The following CAMTA1 variants were observed in gnomAD, a reference collection of about 807,000 sequenced individuals.
The protein encoded by CAMTA1 is calmodulin binding transcription activator 1, also known as calmodulin-binding transcription activator 1.
A neutral mutation model predicts 170.9 loss-of-function variants in CAMTA1; 27 were observed. That is an observed-to-expected ratio of 0.16 (90% CI 0.12 to 0.22). The LOEUF is 0.22. CAMTA1 is among the 10% of genes least tolerant of loss of function. The pLI, the probability that CAMTA1 is intolerant of heterozygous loss-of-function variation, is 1.00. For missense variants in CAMTA1, 1,619 were observed against 2,217.2 expected (o/e 0.73, Z 5.42); for synonymous variants, 833 against 891.5 (o/e 0.93, Z 1.17).
intron 5 of CAMTA1, among the ~76,000 whole-genome samples, chr1:7,384,521 GA>G (rs1174631577): frequency 6.6e-6 from 1 of 152,204 alleles, no homozygotes; most frequent in Non-Finnish European, 1.5e-5. Flanking sequence ...ATTTTTTGGC[GA>G]ACAAGTAGAT....
chr1:7,200,747 T>G (rs1427998094), intron 4 of CAMTA1, among the ~76,000 whole-genome samples: 4 of 152,198 alleles, frequency 2.6e-5, no homozygotes, highest in African/African-American at 9.6e-5. Context: ...AACTCATTGC[T>G]TGATTAAGGT....
chr1:7,569,681 C>T (rs1236784903), intron 6 of CAMTA1, among the ~76,000 whole-genome samples: 1 of 151,170 alleles, frequency 6.6e-6, no homozygotes, highest in African/African-American at 2.5e-5. Flanking sequence ...CCATCACTAC[C>T]ATCATTCTCC....
chr1:7,173,093 G>T lies in CAMTA1; in HGVS notation c.303-76398G>T, dbSNP rs769277605. On this transcript the variant is annotated intron_variant, in intron 4 of 22. Coordinates refer to ENST00000303635, the MANE Select transcript of CAMTA1 (RefSeq NM_015215.4). The surrounding 1 kb of genome is among the most constrained non-coding windows in gnomAD (Gnocchi z 5.4). ...GGCTCCGAAGCAAGAGCAGCCAGAC[G>T]CTGCGTCCCTCCTGTCTCTTCAGCT... Among the ~76,000 whole-genome samples, 1 of 152,222 alleles carries T rather than the reference G, an allele frequency of 6.6e-6. No homozygotes were observed. The highest frequency in any genetic ancestry group is 1.5e-5 in the Non-Finnish European group (1 of 68,036).
intron 6 of CAMTA1, among the ~76,000 whole-genome samples, chr1:7,501,593 A>G (rs1043389895): frequency 6.7e-6 from 1 of 149,094 alleles, no homozygotes; most frequent in Non-Finnish European, 1.5e-5. Flanking sequence ...ATGCCTGGTT[A>G]CTTTTGAAAT....
At chr1:6,790,901 C>T (rs554393116) in intron 1 of CAMTA1, among the ~76,000 whole-genome samples, 1 of 152,162 alleles carries the variant, frequency 6.6e-6, no homozygotes, top group South Asian at 2.1e-4. Context: ...ATTAGATTTA[C>T]CATCTCCACA....
chr1:6,980,909 AG>A (rs1462116803), intron 3 of CAMTA1, among the ~76,000 whole-genome samples: 4 of 152,182 alleles, frequency 2.6e-5, no homozygotes, highest in Non-Finnish European at 4.4e-5. Flanking sequence ...CAAGTCACAG[AG>A]GATACGAGAT....
At chr1:7,638,432 G>A (rs2095732612) in intron 6 of CAMTA1, among the ~76,000 whole-genome samples, 1 of 152,166 alleles carries the variant, frequency 6.6e-6, no homozygotes, top group Admixed American at 6.5e-5. Context: ...CCTGAGGTCG[G>A]GAGTTCGAGA....
At position 7,634,158 on chromosome 1, in the gene CAMTA1, G is replaced by A. The variant is rs894041921; in HGVS notation, c.511-6242G>A. Among the ~76,000 whole-genome samples, 11 of 152,310 alleles carry A rather than the reference G, an allele frequency of 7.2e-5. No homozygotes were observed. Among genetic ancestry groups the A allele is most frequent in the East Asian group, 3.9e-4 (2 of 5,158 alleles). ...TGGGTTGGGGAAGGGAGGAGCAGAC[G>A]TGAGGACACCCGGGAGGAGGGCACA... On this transcript the variant is annotated intron_variant, in intron 6 of 22. Coordinates refer to ENST00000303635, the MANE Select transcript of CAMTA1 (RefSeq NM_015215.4). This position sits in a 1 kb window ranked among gnomAD's most constrained non-coding sequence, Gnocchi z 6.2.
intron 6 of CAMTA1, among the ~76,000 whole-genome samples, chr1:7,499,406 AGT>A (rs1390199333): frequency 1.1e-5 from 1 of 87,580 alleles, no homozygotes; most frequent in Non-Finnish European, 2.2e-5. Flanking sequence ...TGTGTACATG[AGT>A]GTGTAGAGAG....
chr1:6,829,956 A>G (rs1461793554), intron 3 of CAMTA1, among the ~76,000 whole-genome samples: 1 of 152,218 alleles, frequency 6.6e-6, no homozygotes, highest in Non-Finnish European at 1.5e-5. Context: ...TTTCTTAGGA[A>G]AGTAGTTTTG....
At chr1:6,967,538 C>A (rs575898740) in intron 3 of CAMTA1, among the ~76,000 whole-genome samples, 2 of 152,270 alleles carry the variant, frequency 1.3e-5, no homozygotes, top group South Asian at 4.1e-4. Flanking sequence ...GGACCTTCAG[C>A]CACTAGGTTT....
At chr1:7,445,984 G>A (rs897980051) in intron 5 of CAMTA1, among the ~76,000 whole-genome samples, 4 of 152,172 alleles carry the variant, frequency 2.6e-5, no homozygotes, top group African/African-American at 4.8e-5. Flanking sequence ...GGACACAGCT[G>A]TGGCTGCTCC....
chr1:7,297,966 C>G (rs753779375), intron 5 of CAMTA1, among the ~76,000 whole-genome samples: 34 of 152,234 alleles, frequency 2.2e-4, no homozygotes, highest in Non-Finnish European at 4.3e-4. Context: ...ACCATTCCTT[C>G]CCATTCCCTA....
At chr1:6,951,002 G>A (rs1440966858) in intron 3 of CAMTA1, among the ~76,000 whole-genome samples, 1 of 152,208 alleles carries the variant, frequency 6.6e-6, no homozygotes, top group Admixed American at 6.5e-5. Context: ...TCTGCCTGGA[G>A]TGGAAGGAGG....
intron 3 of CAMTA1, among the ~76,000 whole-genome samples, chr1:6,947,935 A>G (rs182007863): frequency 6.6e-6 from 1 of 152,004 alleles, no homozygotes; most frequent in East Asian, 1.9e-4. Context: ...ATTCTTCAGG[A>G]TTTTCTACAT....
chr1:7,129,279 C>T (rs142086550), intron 4 of CAMTA1, among the ~76,000 whole-genome samples: 2 of 152,324 alleles, frequency 1.3e-5, no homozygotes, highest in East Asian at 3.9e-4. Context: ...GCACCAACCT[C>T]ATAGAAAGCC....
At chr1:7,755,902 C>T (rs1319065369) in intron 22 of CAMTA1, among the ~76,000 whole-genome samples, 2 of 152,116 alleles carry the variant, frequency 1.3e-5, no homozygotes, top group East Asian at 1.9e-4. Flanking sequence ...AAGGGAGGGC[C>T]GTTCCAAACC....
chr1:6,817,721 A>ATTCCTGGCTCAAC (rs1646000088), intron 1 of CAMTA1, among the ~76,000 whole-genome samples: 1 of 152,146 alleles, frequency 6.6e-6, no homozygotes, highest in Admixed American at 6.5e-5. Context: ...TTAGGCTCAA[A>ATTCCTGGCTCAAC]TTCCTGGCTC....
At chr1:6,969,762 G>A (rs12121449) in intron 3 of CAMTA1, among the ~76,000 whole-genome samples, 14,972 of 152,168 alleles carry the variant, frequency 0.098, 871 homozygotes, top group East Asian at 0.18. Context: ...CTCAGCAATG[G>A]GTGTAGACCA....
Sources: allele counts gnomAD v4.1 joint callset (sites outside exome capture counted in the v4.1 genomes callset), GRCh38; gene constraint gnomAD v4.1.1; non-coding constraint Gnocchi (gnomAD v3.1); transcripts MANE v1.5; gene names NCBI Gene and HGNC (gene_info 2026-07-23, HGNC 2026-07-21).